The following GRK3 variants were observed in gnomAD, a reference collection of about 807,000 sequenced individuals.
GRK3 encodes the protein adrenergic, beta, receptor kinase 2.
A neutral mutation model predicts 95.7 loss-of-function variants in GRK3; 54 were observed. The observed-to-expected ratio is 0.56, with a 90% CI of 0.45 to 0.71. The LOEUF is 0.71. Among genes scored for constraint, GRK3 ranks in the 30% least tolerant of loss-of-function variants. GRK3 has a pLI of 0.00. For missense variants in GRK3, 649 were observed against 851.2 expected, an observed-to-expected ratio of 0.76 and a Z score of 2.96; for synonymous variants, 281 against 290.8, an observed-to-expected ratio of 0.97 and a Z score of 0.34.
At chr22:25,674,416 T>C in intron 7 of GRK3, 21 bp from the exon 8 acceptor site, 3 of 1,580,772 alleles carry the variant, frequency 1.9e-6, no homozygotes, top group Non-Finnish European at 2.6e-6. Context: ...TATGTTTTCA[T>C]TTTGTGTTTG....
chr22:25,700,777 G>A (rs1043779210), intron 13 of GRK3, among the ~76,000 whole-genome samples: 8 of 152,048 alleles, frequency 5.3e-5, no homozygotes, highest in Admixed American at 1.3e-4. Context: ...TAGTAGAGAC[G>A]GGTTTCACCT....
At chr22:25,567,839 C>G (rs1429043489) in intron 1 of GRK3, among the ~76,000 whole-genome samples, 2 of 152,208 alleles carry the variant, frequency 1.3e-5, no homozygotes, top group African/African-American at 2.4e-5. Flanking sequence ...AAATATCTAG[C>G]TAATTTAAAT....
intron 15 of GRK3, among the ~76,000 whole-genome samples, chr22:25,705,563 C>CT (rs1209278676): frequency 6.6e-6 from 1 of 152,084 alleles, no homozygotes; most frequent in African/African-American, 2.4e-5. Context: ...TTTACTTAGC[C>CT]TGGTAATAAA....
Position 25,703,101 on chromosome 22 carries a change from T to C in GRK3, c.1161-409T>C, listed in dbSNP as rs115328371. 4.8e-3 allele frequency: 1,446 copies of C among 300,072 alleles called. 25 individuals are homozygous for C. Among genetic ancestry groups the C allele is most frequent in the African/African-American group, 0.029 (1,337 of 45,450 alleles). 18.6% of individuals were successfully genotyped at this position (300,072 alleles called of 1,614,324 possible). A position where few individuals can be genotyped will look rare whatever the true frequency, so the allele number is the denominator to read the frequency against. The stretch of plus-strand genomic sequence containing the variant: ...GGTTCAACTGCTGTTCCTTGGGCTG[T>C]TTGAGGGACCAATATCCATTTTTCT... On this transcript the variant is annotated intron_variant, in intron 13 of 20. Coordinates refer to ENST00000324198, the MANE Select transcript of GRK3 (RefSeq NM_005160.4).
chr22:25,672,261 T>C (rs924657861), intron 6 of GRK3, 35 bp from the exon 7 acceptor site: 8 of 1,046,662 alleles, frequency 7.6e-6, no homozygotes, highest in Non-Finnish European at 5.7e-6. Flanking sequence ...TAATTTGATA[T>C]TTAACTTTTT....
chr22:25,722,665 G>C lies in GRK3; in HGVS notation c.*215G>C. The C allele has an allele frequency of 2.0e-6, 1 of 493,444 alleles. No individual in the cohort carries two copies. The highest frequency in any genetic ancestry group is 3.2e-5 in the East Asian group (1 of 31,018). 30.6% of individuals were successfully genotyped at this position (493,444 alleles called of 1,614,324 possible). A position where few individuals can be genotyped will look rare whatever the true frequency, so the allele number is the denominator to read the frequency against. On this transcript the variant is annotated 3_prime_UTR_variant, in exon 21 of 21. Coordinates refer to ENST00000324198, the MANE Select transcript of GRK3 (RefSeq NM_005160.4). ...GAAGAAATAAAAGTTCTTTTTCTTT[G>C]CTACACACTTTGGTACCTATGAACC...
intron 3 of GRK3, among the ~76,000 whole-genome samples, chr22:25,660,352 G>A (rs2146399897): frequency 6.6e-6 from 1 of 152,202 alleles, no homozygotes; most frequent in East Asian, 1.9e-4. Flanking sequence ...TTTTCCTGTT[G>A]GATAGAGTAT....
chr22:25,581,920 G>A (rs1569152332), intron 1 of GRK3, among the ~76,000 whole-genome samples: 1 of 152,028 alleles, frequency 6.6e-6, no homozygotes, highest in African/African-American at 2.4e-5. Context: ...TATGTTAACA[G>A]CTTTCTATTT....
At chr22:25,646,458 C>G (rs555894949) in intron 3 of GRK3, among the ~76,000 whole-genome samples, 2 of 152,062 alleles carry the variant, frequency 1.3e-5, no homozygotes, top group African/African-American at 4.8e-5. Context: ...GAGAATAGGG[C>G]AAAAGCAATA....
intron 2 of GRK3, among the ~76,000 whole-genome samples, chr22:25,620,457 T>G (rs945569094): frequency 6.6e-6 from 1 of 152,126 alleles, no homozygotes; most frequent in Non-Finnish European, 1.5e-5. Context: ...TCTAATTGCC[T>G]GCATTTGCAT....
At position 25,648,212 on chromosome 22, in the gene GRK3, G is replaced by A. The variant is rs2084800777; in HGVS notation, c.264+3547G>A. The stretch of plus-strand genomic sequence containing the variant: ...CCCTCTCTATTCGTGATTGGGATGA[G>A]GTAAGGGGTGACAATGTGAAACACC... On this transcript the variant is annotated intron_variant, in intron 3 of 20. Transcript: ENST00000324198. 4 of 759,576 alleles carry A rather than the reference G, an allele frequency of 5.3e-6. No homozygotes were observed. The South Asian group carries it at 5.4e-5, about 10-fold the overall frequency. The allele number at this position is 759,576 out of a possible 1,614,324, so 47.1% of individuals were successfully genotyped here.
Position 25,690,220 on chromosome 22 carries a change from A to G in GRK3, c.989A>G (p.His330Arg). The part of the protein sequence containing the change: ...PANILLDEHG[H>R]ARISDLGLAC... ...AATATTCTCTTGGATGAACATGGAC[A>G]CGCAAGAATATCAGATCTTGGTCTT... is the stretch of plus-strand genomic sequence containing the variant. Residue 330 changes from histidine to arginine, a missense_variant, in exon 12 of 21, where the codon CAC (histidine) becomes CGC (arginine). This residue lies in a region of GRK3 where 382 missense variants were observed against 493.8 expected (regional missense o/e 0.77). Transcript: ENST00000324198. 1 of 1,614,132 alleles carries G rather than the reference A, an allele frequency of 6.2e-7. No individual in the cohort carries two copies. Among genetic ancestry groups the G allele is most frequent in the African/African-American group, 1.3e-5 (1 of 75,054 alleles).
At chr22:25,622,343 A>G (rs1489224967) in intron 2 of GRK3, among the ~76,000 whole-genome samples, 3 of 152,216 alleles carry the variant, frequency 2.0e-5, no homozygotes, top group Non-Finnish European at 4.4e-5. Flanking sequence ...GGTATCAGCC[A>G]GATCATAGCG....
At chr22:25,664,516 ATTT>A (rs1196086432) in intron 5 of GRK3, among the ~76,000 whole-genome samples, 1 of 121,544 alleles carries the variant, frequency 8.2e-6, no homozygotes, top group Admixed American at 8.1e-5. Context: ...TGACTTTGGC[ATTT>A]TTTTTTTTTT....
At chr22:25,670,172 A>G (rs957673818) in intron 6 of GRK3, among the ~76,000 whole-genome samples, 1 of 152,174 alleles carries the variant, frequency 6.6e-6, no homozygotes, top group Non-Finnish European at 1.5e-5. Flanking sequence ...TGTTAGCCTC[A>G]GAAATATGTT....
At chr22:25,650,689 G>T (rs968141420) in intron 3 of GRK3, among the ~76,000 whole-genome samples, 2 of 152,194 alleles carry the variant, frequency 1.3e-5, no homozygotes, top group Non-Finnish European at 2.9e-5. Flanking sequence ...GGCATTCATA[G>T]CTCCTCACTT....
intron 1 of GRK3, among the ~76,000 whole-genome samples, chr22:25,587,127 G>T (rs1382456668): frequency 6.6e-6 from 1 of 152,162 alleles, no homozygotes; most frequent in Non-Finnish European, 1.5e-5. Context: ...CTGACCTCAG[G>T]TGATCCCCCT....
At chr22:25,652,432 T>C (rs903926958) in intron 3 of GRK3, among the ~76,000 whole-genome samples, 19 of 152,168 alleles carry the variant, frequency 1.2e-4, no homozygotes, top group African/African-American at 4.3e-4. Flanking sequence ...TGAATATGTA[T>C]GTAAAATATA....
At chr22:25,646,624 A>G (rs889706773) in intron 3 of GRK3, among the ~76,000 whole-genome samples, 1 of 152,238 alleles carries the variant, frequency 6.6e-6, no homozygotes, top group African/African-American at 2.4e-5. Context: ...TTTTTAAACT[A>G]GGAAAAAAAT....
Sources: gnomAD v4.1 joint callset for allele counts (sites outside exome capture counted in the v4.1 genomes callset) on GRCh38, gnomAD v4.1.1 for gene constraint, gnomAD v4.1.1 regional missense constraint, MANE v1.5 for transcripts, NCBI Gene and HGNC (gene_info 2026-07-23, HGNC 2026-07-21) for gene names.